Variants in ELAC2 observed in about 807,000 individuals in gnomAD.
ELAC2 encodes zinc phosphodiesterase ELAC protein 2.
In ELAC2, 92 loss-of-function variants were observed where a neutral mutation model predicts 105.2. That is an observed-to-expected ratio of 0.87 (90% CI 0.74 to 1.04). ELAC2 has a LOEUF of 1.04. Ranked by LOEUF, ELAC2 falls within the 50% of genes least tolerant of loss-of-function variation. The probability of loss-of-function intolerance (pLI) is 0.00; values close to 1 mark genes in which losing one functional copy is unlikely to be tolerated. For synonymous variants in ELAC2, 468 were observed against 409.1 expected (o/e 1.14, Z -1.74); for missense variants, 1,099 against 1,071.7 (o/e 1.03, Z -0.36).
At chr17:13,017,166 G>A (rs1271995090) in intron 1 of ELAC2, 45 bp from the exon 2 acceptor site, 2 of 1,501,074 alleles carry the variant, frequency 1.3e-6, no homozygotes, top group Non-Finnish European at 1.9e-6. Context: ...GTTTTATTCT[G>A]TAAACTCTCT....
intron 7 of ELAC2, 89 bp downstream of exon 7, chr17:13,011,574 T>C: frequency 6.2e-7 from 1 of 1,606,302 alleles, no homozygotes; most frequent in Non-Finnish European, 8.5e-7. Flanking sequence ...CCTGGCTTTC[T>C]TACAATAATG....
rs148056623 is a variant in ELAC2 at position 12,995,105 on chromosome 17, T to C, written c.1809-43A>G. The C allele has an allele frequency of 3.3e-5, 53 of 1,602,724 alleles. No homozygotes were observed. In the East Asian group the frequency reaches 1.2e-3, roughly 35 times the overall value. On this transcript the variant is annotated intron_variant, in intron 19 of 23. Transcript: ENST00000338034. The stretch of plus-strand genomic sequence containing the variant: ...ATTTAAAATGATAATAAACGTTTCT[T>C]GGACATCTGGAACCAAAGTTTAAGT...
At chr17:13,010,550 G>A in intron 8 of ELAC2, 63 bp downstream of exon 8, 1 of 1,479,200 alleles carries the variant, frequency 6.8e-7, no homozygotes, top group African/African-American at 1.4e-5. Context: ...ATGAAAAAGT[G>A]CAAACCAGAG....
At position 13,017,805 on chromosome 17, in the gene ELAC2, G is replaced by A. The variant is rs1286540694; in HGVS notation, c.143C>T (p.Pro48Leu). The change falls in exon 1 of 24, where the codon CCG becomes CTG. Residue 48 changes from proline to leucine, a missense_variant. Coordinates refer to ENST00000338034, the MANE Select transcript of ELAC2 (RefSeq NM_018127.7). ...GTTTGGGCCGCCGGAGCACCCCGAC[G>A]GTCCGCGCTTCTCTCGCGTGCGCAG... is the stretch of plus-strand genomic sequence containing the variant. Reference protein sequence around the residue: ...RHLRTREKRGPSGCSGGPNTV... With the variant: ...RHLRTREKRGLSGCSGGPNTV... The A allele has an allele frequency of 4.4e-6, 7 of 1,604,316 alleles. No homozygotes were observed. The highest frequency in any genetic ancestry group is 5.1e-6 in the Non-Finnish European group (6 of 1,176,432).
Position 13,018,007 on chromosome 17 carries a change from C to G in ELAC2, c.-60G>C. 6.5e-7 allele frequency: 1 copy of G among 1,533,128 alleles called. No individual in the cohort carries two copies. The highest frequency in any genetic ancestry group is 2.0e-5 in the Admixed American group (1 of 50,898). The allele number at this position is 1,533,128 out of a possible 1,614,324, so 95.0% of individuals were successfully genotyped here. On this transcript the variant is annotated 5_prime_UTR_variant, in exon 1 of 24. Transcript: ENST00000338034. ...GTCACCTACGCCCGCGTTTCCCGTG[C>G]ACCACCTAGCCGCTCCGCATGGCGG...
chr17:12,994,292 C>A, intron 22 of ELAC2, 133 bp downstream of exon 22: 1 of 1,055,104 alleles, frequency 9.5e-7, no homozygotes, highest in South Asian at 1.3e-5. Flanking sequence ...TGCCACAGGT[C>A]AAGGAAGCCC....
chr17:13,006,708 T>G (rs550475551), intron 8 of ELAC2, among the ~76,000 whole-genome samples: 1 of 152,338 alleles, frequency 6.6e-6, no homozygotes, highest in East Asian at 1.9e-4. Context: ...CCATGTAACA[T>G]AATATTTCAA....
At chr17:13,008,687 G>A (rs1003858415) in intron 8 of ELAC2, among the ~76,000 whole-genome samples, 3 of 151,888 alleles carry the variant, frequency 2.0e-5, no homozygotes, top group Non-Finnish European at 2.9e-5. Flanking sequence ...GCCCAAAGCC[G>A]AGGTCTTCCA....
intron 8 of ELAC2, among the ~76,000 whole-genome samples, chr17:13,007,694 A>G (rs1357106580): frequency 6.6e-6 from 1 of 152,148 alleles, no homozygotes; most frequent in Non-Finnish European, 1.5e-5. Flanking sequence ...CCTGGCCAAC[A>G]TGGTGAAACC....
chr17:13,000,677 G>A (rs895863695), intron 14 of ELAC2: 21 of 298,010 alleles, frequency 7.0e-5, no homozygotes, highest in African/African-American at 4.3e-4. Flanking sequence ...AGGGGCCCTA[G>A]AGGAGTGACT....
chr17:12,993,928 C>A (rs775400171), intron 22 of ELAC2, 97 bp from the exon 23 acceptor site: 8 of 1,576,052 alleles, frequency 5.1e-6, no homozygotes, highest in African/African-American at 1.3e-5. Context: ...GCCAGGGCAC[C>A]CGGGGAAGCT....
At chr17:13,009,070 T>G (rs1479426034) in intron 8 of ELAC2, among the ~76,000 whole-genome samples, 2 of 152,180 alleles carry the variant, frequency 1.3e-5, no homozygotes, top group Non-Finnish European at 2.9e-5. Context: ...AAATATAGAT[T>G]ATCAAAAATA....
Position 12,992,538 on chromosome 17 carries a change from A to T in ELAC2, c.*280T>A, listed in dbSNP as rs6949. ...GGAAAGGTGCCGCCGTCTGTTTCCA[A>T]GACTTCTTTAAAAACTGCCTTGAAA... On this transcript the variant is annotated 3_prime_UTR_variant, in exon 24 of 24. Transcript: ENST00000338034. 0.88 allele frequency: 456,635 copies of T among 517,234 alleles called. 203,662 individuals carry two copies. Among genetic ancestry groups the T allele is most frequent in the Non-Finnish European group, 0.93 (266,014 of 285,906 alleles). The allele number at this position is 517,234 out of a possible 1,614,324, so 32.0% of individuals were successfully genotyped here.
chr17:12,996,153 G>A (rs2040457926), intron 17 of ELAC2, 175 bp from the exon 18 acceptor site: 1 of 765,804 alleles, frequency 1.3e-6, no homozygotes. Context: ...GCCCTGAAAT[G>A]TCACAGGCAG....
rs376105734 is a variant in ELAC2, at chr17:13,005,095, C to G, written c.877G>C (p.Ala293Pro). 6.2e-7 allele frequency: 1 copy of G among 1,613,878 alleles called. No individual in the cohort carries two copies. Among genetic ancestry groups the G allele is most frequent in the Admixed American group, 1.7e-5 (1 of 60,024 alleles). Residue 293 changes from alanine to proline, a missense_variant, in exon 11 of 24, where the codon GCT becomes CCT. Physicochemically the swap from Ala to Pro is conservative, Grantham distance 27 (BLOSUM62 -1). Coordinates refer to ENST00000338034, the MANE Select transcript of ELAC2 (RefSeq NM_018127.7). ...SITHEGREIL[A>P]EELCTPPDPG... The stretch of plus-strand genomic sequence containing the variant: ...TCTGGAGGAGTACACAGCTCTTCAG[C>G]CAAAATCTGCAAAACCAAATAAGCC...
chr17:12,996,492 C>T (rs944361474), intron 17 of ELAC2, 55 bp downstream of exon 17: 3 of 1,611,706 alleles, frequency 1.9e-6, no homozygotes, highest in Non-Finnish European at 2.5e-6. Context: ...AGGGCCAACT[C>T]AACGTGGCAG....
chr17:13,007,348 T>C (rs901905492), intron 8 of ELAC2, among the ~76,000 whole-genome samples: 2 of 152,122 alleles, frequency 1.3e-5, no homozygotes, highest in African/African-American at 4.8e-5. Flanking sequence ...AGTTAAAGAG[T>C]TACTCGTAGG....
Position 12,995,984 on chromosome 17 carries a change from AAGGAAAC to A in ELAC2, c.1660-13_1660-7del. On this transcript the variant is annotated splice_polypyrimidine_tract_variant and splice_region_variant and intron_variant, in intron 17 of 23. Transcript: ENST00000338034. The stretch of plus-strand genomic sequence containing the variant: ...AGCAAGATACTTGGCAAGCCCTGGC[AAGGAAAC>A]AGGAGACATGCGTCAGCCAGGCCCC... 1.3e-6 allele frequency: 2 copies of A among 1,593,064 alleles called. No homozygotes were observed. The highest frequency in any genetic ancestry group is 1.7e-6 in the Non-Finnish European group (2 of 1,168,316).
intron 15 of ELAC2, 101 bp from the exon 16 acceptor site, chr17:12,998,609 C>T: frequency 8.9e-7 from 1 of 1,127,486 alleles, no homozygotes; most frequent in Non-Finnish European, 1.3e-6. Flanking sequence ...ATTGGTTTGT[C>T]CCCAGACCTC....
Sources: gnomAD v4.1 joint callset for allele counts (sites outside exome capture counted in the v4.1 genomes callset) on GRCh38, gnomAD v4.1.1 for gene constraint, MANE v1.5 for transcripts, NCBI Gene and HGNC (gene_info 2026-07-23, HGNC 2026-07-21) for gene names.